Variants in RAPGEF4 observed in about 807,000 individuals in gnomAD.
The protein encoded by RAPGEF4 is Rap guanine nucleotide exchange factor 4.
A neutral mutation model predicts 147.9 loss-of-function variants in RAPGEF4; 66 were observed. The observed-to-expected ratio is 0.45, with a 90% CI of 0.37 to 0.55. RAPGEF4 has a LOEUF of 0.55. Among genes scored for constraint, RAPGEF4 ranks in the 20% least tolerant of loss-of-function variants. The pLI, the probability that RAPGEF4 is intolerant of heterozygous loss-of-function variation, is 0.00. For synonymous variants in RAPGEF4, 419 were observed against 442.7 expected, an observed-to-expected ratio of 0.95 and a Z score of 0.67; for missense variants, 1,071 against 1,257.3, an observed-to-expected ratio of 0.85 and a Z score of 2.24.
chr2:172,984,073 C>T (rs1208530063), intron 11 of RAPGEF4, among the ~76,000 whole-genome samples: 1 of 152,124 alleles, frequency 6.6e-6, no homozygotes, highest in Non-Finnish European at 1.5e-5. Context: ...AAAATAACAC[C>T]ACCCACTAAT....
intron 6 of RAPGEF4, among the ~76,000 whole-genome samples, chr2:172,960,359 A>G (rs1216955181): frequency 6.6e-6 from 1 of 152,236 alleles, no homozygotes; most frequent in Non-Finnish European, 1.5e-5. Context: ...GCTCATTTCC[A>G]TCCCATATCA....
intron 8 of RAPGEF4, among the ~76,000 whole-genome samples, chr2:172,964,103 C>T (rs114257842): frequency 0.016 from 2,508 of 152,120 alleles, 69 homozygotes; most frequent in African/African-American, 0.056. Context: ...ATGATTTTTA[C>T]GATTAATCAA....
chr2:172,908,896 G>T (rs1013948964), intron 4 of RAPGEF4, among the ~76,000 whole-genome samples: 31 of 152,154 alleles, frequency 2.0e-4, no homozygotes, highest in Admixed American at 8.5e-4. Context: ...GCAGTAAGGA[G>T]CCAAGCCGGC....
chr2:172,875,017 A>G (rs1559090320), intron 4 of RAPGEF4, among the ~76,000 whole-genome samples: 1 of 152,052 alleles, frequency 6.6e-6, no homozygotes, highest in Non-Finnish European at 1.5e-5. Context: ...GCATTTTTTC[A>G]TGTGTCTTTT....
In RAPGEF4 at chr2:172,989,422, G is replaced by A. The variant is rs115338289; in HGVS notation, c.1374+583G>A. Among the ~76,000 whole-genome samples, 325 of 150,850 alleles carry A rather than the reference G, an allele frequency of 2.2e-3. 1 individual carries two copies. The highest frequency in any genetic ancestry group is 7.3e-3 in the African/African-American group (303 of 41,462). ...TATCTCAAATTGTTACAAACTAAAG[G>A]AATTTCTGACATTGGCAGGCAGGTG... On this transcript the variant is annotated intron_variant, in intron 14 of 30. Coordinates refer to ENST00000397081, the MANE Select transcript of RAPGEF4 (RefSeq NM_007023.4).
At chr2:173,030,387 T>C in intron 26 of RAPGEF4, 133 bp downstream of exon 26, 1 of 693,950 alleles carries the variant, frequency 1.4e-6, no homozygotes, top group Non-Finnish European at 2.4e-6. Context: ...TGGAGGGAGG[T>C]GACCTGTCTC....
rs192592317 is a variant in RAPGEF4, at chr2:172,827,717, C to G, written c.444+13292C>G. 3.7e-3 allele frequency among the ~76,000 whole-genome samples: 559 copies of G among 152,246 alleles called. 4 individuals are homozygous for G. The highest frequency in any genetic ancestry group is 0.012 in the African/African-American group (515 of 41,544). ...TTTGTCAAATGGGGGTCAAAATAAC[C>G]GTACCATAAATGGTTGCTGAGAGGA... On this transcript the variant is annotated intron_variant, in intron 4 of 30. Transcript: ENST00000397081.
chr2:172,785,055 C>T lies in RAPGEF4; in HGVS notation c.66-9970C>T, dbSNP rs192947792. ...GGTCAGGCTGGTCTTGAACTCTTGACCTCAGGTGATCTGCCCGCCTTGGCT... is the reference window on the plus strand; with the variant it reads ...GGTCAGGCTGGTCTTGAACTCTTGATCTCAGGTGATCTGCCCGCCTTGGCT... On this transcript the variant is annotated intron_variant, in intron 1 of 30. Transcript: ENST00000397081. Among the ~76,000 whole-genome samples, 45 of 152,326 alleles carry T rather than the reference C, an allele frequency of 3.0e-4. No individual in the cohort carries two copies. In the East Asian group the frequency reaches 8.7e-3, roughly 29 times the overall value.
chr2:172,964,840 G>C (rs1415558686), intron 8 of RAPGEF4, among the ~76,000 whole-genome samples: 1 of 152,144 alleles, frequency 6.6e-6, no homozygotes, highest in African/African-American at 2.4e-5. Flanking sequence ...ATATACTTAT[G>C]CATTTCCTAA....
At chr2:172,739,618 G>T (rs754334409) in intron 1 of RAPGEF4, among the ~76,000 whole-genome samples, 1 of 152,132 alleles carries the variant, frequency 6.6e-6, no homozygotes, top group Non-Finnish European at 1.5e-5. Context: ...TGATCCGCTC[G>T]CCTTGGCCTC....
intron 4 of RAPGEF4, among the ~76,000 whole-genome samples, chr2:172,888,007 C>T (rs1231995469): frequency 6.6e-6 from 1 of 152,114 alleles, no homozygotes; most frequent in Admixed American, 6.5e-5. Flanking sequence ...TTATCTCCTA[C>T]TAGAGTATGA....
chr2:172,736,886 A>G (rs1003979898), intron 1 of RAPGEF4, among the ~76,000 whole-genome samples: 1 of 152,214 alleles, frequency 6.6e-6, no homozygotes, highest in Non-Finnish European at 1.5e-5. Flanking sequence ...TGCAGAGTGA[A>G]CTGCCTCTGA....
intron 6 of RAPGEF4, among the ~76,000 whole-genome samples, chr2:172,925,759 GA>G (rs1303950573): frequency 8.5e-6 from 1 of 118,202 alleles, no homozygotes; most frequent in African/African-American, 2.9e-5. Context: ...GAGAAAGAGA[GA>G]AAGGAAGAAA....
intron 2 of RAPGEF4, among the ~76,000 whole-genome samples, chr2:172,797,303 T>C (rs1686473998): frequency 6.6e-6 from 1 of 152,186 alleles, no homozygotes; most frequent in African/African-American, 2.4e-5. Context: ...TAGAGTTCTC[T>C]TTAATAAGGT....
intron 4 of RAPGEF4, among the ~76,000 whole-genome samples, chr2:172,881,280 G>C (rs1270679975): frequency 6.6e-6 from 1 of 152,110 alleles, no homozygotes; most frequent in African/African-American, 2.4e-5. Flanking sequence ...GTGCTCTTGG[G>C]AATCAGACTA....
chr2:172,995,245 T>TTGTGTGTGTGTG (rs71018528), intron 15 of RAPGEF4, among the ~76,000 whole-genome samples: 15 of 138,590 alleles, frequency 1.1e-4, no homozygotes, highest in African/African-American at 3.3e-4. Flanking sequence ...ACTTGCCTGT[T>TTGTGTGTGTGTG]TGTGTGTGTG....
rs114708633 is a variant in RAPGEF4 at position 172,932,126 on chromosome 2, C to T, written c.537+9826C>T. ...CATTCCGGTGTTCATGCATGTCTAA[C>T]CTTCAAGTTTTAGTTACATGGCACA... is the stretch of plus-strand genomic sequence containing the variant. On this transcript the variant is annotated intron_variant, in intron 6 of 30. Coordinates refer to ENST00000397081, the MANE Select transcript of RAPGEF4 (RefSeq NM_007023.4). Among the ~76,000 whole-genome samples the T allele has an allele frequency of 4.9e-3, 743 of 152,142 alleles. 2 individuals carry two copies. The highest frequency in any genetic ancestry group is 0.017 in the Middle Eastern group (5 of 294).
chr2:172,759,855 A>G (rs1251566469), intron 1 of RAPGEF4, among the ~76,000 whole-genome samples: 1 of 152,210 alleles, frequency 6.6e-6, no homozygotes, highest in Non-Finnish European at 1.5e-5. Flanking sequence ...ACTAAGTACA[A>G]TTCTAAACCC....
In RAPGEF4 at chr2:172,983,521, C is replaced by A. The variant is rs1429895810; in HGVS notation, c.1030C>A (p.Leu344Ile). 2.5e-6 allele frequency: 4 copies of A among 1,612,638 alleles called. No homozygotes were observed. The South Asian group carries it at 4.4e-5, about 18-fold the overall frequency. The change falls in exon 11 of 31, where the codon CTA (leucine) becomes ATA (isoleucine). Residue 344 changes from leucine (L) to isoleucine (I), a missense_variant. Coordinates refer to ENST00000397081, the MANE Select transcript of RAPGEF4 (RefSeq NM_007023.4). ...ACCTGGCCAGAGGACTGTGGATGAC[C>A]TAGAGATTATCTATGAGGAGCTTCT... ...KPPGQRTVDD[L>I]EIIYEELLHI... is the part of the protein sequence containing the mutation.
Sources: allele counts gnomAD v4.1 joint callset (sites outside exome capture counted in the v4.1 genomes callset), GRCh38; gene constraint gnomAD v4.1.1; transcripts MANE v1.5; gene names NCBI Gene and HGNC (gene_info 2026-07-23, HGNC 2026-07-21).